MATN2: variants seen among roughly 807,000 people sequenced by gnomAD.
MATN2 encodes the protein matrilin 2.
In MATN2, 69 loss-of-function variants were observed where a neutral mutation model predicts 103.2. The ratio of observed to expected loss-of-function variants is 0.67; its 90% CI spans 0.55 to 0.82. The LOEUF is 0.82. Among genes scored for constraint, MATN2 ranks in the 40% least tolerant of loss-of-function variants. The pLI, the probability that MATN2 is intolerant of heterozygous loss-of-function variation, is 0.00. For synonymous variants in MATN2, 429 were observed against 450.2 expected (o/e 0.95, Z 0.60); for missense variants, 1,023 against 1,211.5 (o/e 0.84, Z 2.31).
At chr8:97,951,610 G>A (rs978081914) in intron 4 of MATN2, among the ~76,000 whole-genome samples, 1 of 152,162 alleles carries the variant, frequency 6.6e-6, no homozygotes, top group Admixed American at 6.5e-5. Flanking sequence ...AAGGACTACT[G>A]ACTTAGATGT....
At chr8:97,886,214 C>G (rs879129634) in intron 1 of MATN2, among the ~76,000 whole-genome samples, 1 of 152,142 alleles carries the variant, frequency 6.6e-6, no homozygotes, top group Non-Finnish European at 1.5e-5. Context: ...AAGCTCAGGG[C>G]TCCCACTGAT....
intron 6 of MATN2, among the ~76,000 whole-genome samples, chr8:97,992,745 CAAAAAAA>C (rs58985201): frequency 0.018 from 881 of 49,570 alleles, 25 homozygotes; most frequent in African/African-American, 0.076. Flanking sequence ...GACTCCATCT[CAAAAAAA>C]AAAAAAAAAA....
At chr8:98,028,459 C>T (rs546962243) in intron 14 of MATN2, among the ~76,000 whole-genome samples, 26 of 152,034 alleles carry the variant, frequency 1.7e-4, no homozygotes, top group South Asian at 1.0e-3. Context: ...GAAGCGTGCT[C>T]GAGGAGTATG....
At chr8:98,021,119 A>C in intron 12 of MATN2, 86 bp from the exon 13 acceptor site, 1 of 1,301,674 alleles carries the variant, frequency 7.7e-7, no homozygotes, top group East Asian at 2.4e-5. Context: ...AAAAGAGATT[A>C]CTTCCACAAT....
chr8:97,922,370 C>G (rs555861455), intron 2 of MATN2, among the ~76,000 whole-genome samples: 5 of 152,296 alleles, frequency 3.3e-5, no homozygotes, highest in African/African-American at 1.2e-4. Context: ...ATGTGCTGAC[C>G]CTTCACATAG....
chr8:97,905,817 G>A (rs1241459992), intron 2 of MATN2, among the ~76,000 whole-genome samples: 1 of 151,996 alleles, frequency 6.6e-6, no homozygotes, highest in Non-Finnish European at 1.5e-5. Context: ...CACACACCAT[G>A]CCTGGCTAAT....
Position 97,978,903 on chromosome 8 carries a change from T to C in MATN2, c.976T>C (p.Ser326Pro), listed in dbSNP as rs1463094495. 6.2e-7 allele frequency: 1 copy of C among 1,613,890 alleles called. No homozygotes were observed. Among genetic ancestry groups the C allele is most frequent in the Non-Finnish European group, 8.5e-7 (1 of 1,179,794 alleles). ...KRCVAVDYCA[S>P]ENHGCEHECV... ...CTCTCCAGCTGTGGACTACTGTGCC[T>C]CAGAAAACCACGGATGTGAACATGA... The change falls in exon 6 of 19, where the codon TCA (serine) becomes CCA (proline). Residue 326 changes from serine (S) to proline (P), a missense_variant. By Grantham distance (74) the Ser-to-Pro change is moderately conservative. Transcript: ENST00000254898.
intron 10 of MATN2, 151 bp from the exon 11 acceptor site, chr8:98,016,389 T>G: frequency 1.5e-6 from 1 of 678,744 alleles, no homozygotes; most frequent in East Asian, 3.0e-5. Flanking sequence ...GAATTTTTGC[T>G]CATAGACATG....
chr8:97,997,549 C>G (rs1812626166), intron 7 of MATN2, among the ~76,000 whole-genome samples: 1 of 152,238 alleles, frequency 6.6e-6, no homozygotes, highest in African/African-American at 2.4e-5. Flanking sequence ...TGTTTTCTGA[C>G]AGTCCTGTCA....
chr8:98,017,872 A>T, intron 11 of MATN2, 122 bp from the exon 12 acceptor site: 1 of 1,058,126 alleles, frequency 9.5e-7, no homozygotes, highest in Non-Finnish European at 1.4e-6. Flanking sequence ...TGCCCCATGG[A>T]CCACTGAGCT....
intron 5 of MATN2, among the ~76,000 whole-genome samples, chr8:97,968,585 T>C (rs952956510): frequency 6.6e-6 from 1 of 152,192 alleles, no homozygotes; most frequent in Non-Finnish European, 1.5e-5. Context: ...CTTCCACAGA[T>C]CCCTAGGGCA....
chr8:98,006,519 A>G (rs535833537), intron 8 of MATN2, among the ~76,000 whole-genome samples: 1 of 152,330 alleles, frequency 6.6e-6, no homozygotes, highest in African/African-American at 2.4e-5. Flanking sequence ...ATCCATAGCT[A>G]GGAAGTGGCA....
In MATN2 at chr8:98,035,938, G is replaced by T. The variant is rs1586182155; in HGVS notation, c.*226G>T. The T allele has an allele frequency of 2.0e-5, 8 of 391,226 alleles. No homozygotes were observed. In the East Asian group the frequency reaches 3.0e-4, roughly 15 times the overall value. 24.2% of individuals were successfully genotyped at this position (391,226 alleles called of 1,614,324 possible). ...CAGAATTCTAAGATGAATTTACCAGGTGAGAATGAATAAGCTATGCAAGGT... is the reference window on the plus strand; with the variant it reads ...CAGAATTCTAAGATGAATTTACCAGTTGAGAATGAATAAGCTATGCAAGGT... On this transcript the variant is annotated 3_prime_UTR_variant, in exon 19 of 19. Coordinates refer to ENST00000254898, the MANE Select transcript of MATN2 (RefSeq NM_002380.5).
At chr8:98,032,532 TTTG>T (rs558407678) in intron 16 of MATN2, among the ~76,000 whole-genome samples, 46 of 152,212 alleles carry the variant, frequency 3.0e-4, no homozygotes, top group East Asian at 7.7e-4. Context: ...TGTTTTTGTT[TTTG>T]TTGTTGTTGT....
At chr8:98,033,680 G>A (rs1326266171) in intron 18 of MATN2, 21 bp downstream of exon 18, 3 of 1,439,334 alleles carry the variant, frequency 2.1e-6, no homozygotes, top group Non-Finnish European at 1.9e-6. Flanking sequence ...CTTGCATTAT[G>A]CTTCTGTATG....
intron 3 of MATN2, among the ~76,000 whole-genome samples, chr8:97,935,981 G>C (rs1360827242): frequency 6.6e-6 from 1 of 152,160 alleles, no homozygotes; most frequent in Non-Finnish European, 1.5e-5. Flanking sequence ...CTCTTTGGCT[G>C]TCTGGCTGTA....
chr8:98,020,743 G>T (rs1044101649), intron 12 of MATN2, among the ~76,000 whole-genome samples: 38 of 152,190 alleles, frequency 2.5e-4, no homozygotes, highest in Non-Finnish European at 3.4e-4. Context: ...GTGGGCAGCA[G>T]TGAAGCTCTC....
chr8:98,010,924 G>A (rs375904756), intron 10 of MATN2, among the ~76,000 whole-genome samples: 48 of 152,366 alleles, frequency 3.2e-4, no homozygotes, highest in African/African-American at 1.1e-3. Flanking sequence ...GCCTAGGCGA[G>A]GCTAGGGGAG....
intron 3 of MATN2, among the ~76,000 whole-genome samples, chr8:97,935,015 TGTGCTAG>T (rs2130159402): frequency 6.6e-6 from 1 of 152,342 alleles, no homozygotes; most frequent in Admixed American, 6.5e-5. Flanking sequence ...AATCTTGTCC[TGTGCTAG>T]GTACTTTCAA....
Sources: gnomAD v4.1 joint callset for allele counts (sites outside exome capture counted in the v4.1 genomes callset) on GRCh38, gnomAD v4.1.1 for gene constraint, MANE v1.5 for transcripts, NCBI Gene and HGNC (gene_info 2026-07-23, HGNC 2026-07-21) for gene names.